Variants in CHEK1 observed in about 807,000 individuals in gnomAD.
CHEK1 encodes the protein checkpoint kinase 1, also known as serine/threonine-protein kinase Chk1.
A neutral mutation model predicts 60.2 loss-of-function variants in CHEK1; 32 were observed. The observed-to-expected ratio is 0.53, with a 90% CI of 0.40 to 0.71. The LOEUF (loss-of-function observed/expected upper bound fraction) is 0.71. Among genes scored for constraint, CHEK1 ranks in the 30% least tolerant of loss-of-function variants. The pLI is 0.00. For synonymous variants in CHEK1, 179 were observed against 187.2 expected, an observed-to-expected ratio of 0.96 and a Z score of 0.36; for missense variants, 399 against 564.6, an observed-to-expected ratio of 0.71 and a Z score of 2.97.
intron 11 of CHEK1, among the ~76,000 whole-genome samples, chr11:125,650,814 T>C (rs1337601432): frequency 2.8e-5 from 4 of 143,844 alleles, no homozygotes; most frequent in Non-Finnish European, 6.1e-5. Context: ...GTTTTAGTGG[T>C]CAGCTAATGA....
chr11:125,640,833 A>G (rs1476179259), intron 8 of CHEK1, among the ~76,000 whole-genome samples: 1 of 152,128 alleles, frequency 6.6e-6, no homozygotes, highest in South Asian at 2.1e-4. Context: ...TCACGCCTGT[A>G]ATCCCAGCTG....
At chr11:125,674,293 A>C (rs560611608) in intron 13 of CHEK1, among the ~76,000 whole-genome samples, 2 of 152,348 alleles carry the variant, frequency 1.3e-5, no homozygotes, top group African/African-American at 4.8e-5. Context: ...ATGCTGGCAA[A>C]TAAATGATTA....
downstream of CHEK1, among the ~76,000 whole-genome samples, chr11:125,679,216 C>CTTTTTTTTTTTTTTTT (rs71045115): frequency 4.6e-3 from 551 of 120,830 alleles, 10 homozygotes; most frequent in African/African-American, 8.2e-3. Context: ...CCGTCTCTTT[C>CTTTTTTTTTTTTTTTT]TTTTTTTTTT....
chr11:125,670,048 T>C (rs1453708447), intron 13 of CHEK1, among the ~76,000 whole-genome samples: 1 of 152,238 alleles, frequency 6.6e-6, no homozygotes, highest in Non-Finnish European at 1.5e-5. Flanking sequence ...TCCTGTGTTC[T>C]TCCGATTTGA....
chr11:125,643,918 T>C lies in CHEK1; in HGVS notation c.923+18T>C, dbSNP rs768080625. 4.8e-5 allele frequency: 76 copies of C among 1,598,816 alleles called. No homozygotes were observed. Among genetic ancestry groups the C allele is most frequent in the Non-Finnish European group, 6.2e-5 (73 of 1,169,692 alleles). ...GCTTCTAGGTAAGACTGATAAAGAT[T>C]GAGTAGTTTTTGATTGTAGTATTCC... On this transcript the variant is annotated intron_variant, in intron 9 of 12. Coordinates refer to ENST00000438015, the MANE Select transcript of CHEK1 (RefSeq NM_001114122.3).
downstream of CHEK1, chr11:125,680,677 T>A: frequency 1.3e-6 from 2 of 1,528,090 alleles, no homozygotes; most frequent in Non-Finnish European, 1.8e-6. Context: ...GCCTGAAATG[T>A]CTTAAGGGAG....
At chr11:125,636,698 TG>T (rs2136001455) in intron 7 of CHEK1, among the ~76,000 whole-genome samples, 1 of 152,016 alleles carries the variant, frequency 6.6e-6, no homozygotes, top group East Asian at 1.9e-4. Flanking sequence ...TCAAGGATAT[TG>T]TTTTTCTTAC....
At position 125,655,794 on chromosome 11, in the gene CHEK1, A is replaced by G. The variant is rs1941886444; in HGVS notation, c.*474A>G. 4.6e-6 allele frequency: 1 copy of G among 215,770 alleles called. No homozygotes were observed. The highest frequency in any genetic ancestry group is 5.8e-5 in the Admixed American group (1 of 17,200). The allele number at this position is 215,770 out of a possible 1,614,324, so 13.4% of individuals were successfully genotyped here. ...TCTGTGAAGCGAAGCCAGCTTCAAA[A>G]CATATCCCCAAGATTTGTACTTATA... is the stretch of plus-strand genomic sequence containing the variant. On this transcript the variant is annotated 3_prime_UTR_variant, in exon 13 of 13. Transcript: ENST00000438015.
At chr11:125,638,846 C>G (rs370862190) in intron 8 of CHEK1, among the ~76,000 whole-genome samples, 3 of 152,166 alleles carry the variant, frequency 2.0e-5, no homozygotes, top group Non-Finnish European at 2.9e-5. Flanking sequence ...GATCATCCTC[C>G]TGATATCCTG....
chr11:125,655,637 T>G lies in CHEK1; in HGVS notation c.*317T>G, dbSNP rs1941882109. 1 of 256,254 alleles carries G rather than the reference T, an allele frequency of 3.9e-6. No individual in the cohort carries two copies. Among genetic ancestry groups the G allele is most frequent in the Admixed American group, 5.4e-5 (1 of 18,630 alleles). 15.9% of individuals were successfully genotyped at this position (256,254 alleles called of 1,614,324 possible). A position where few individuals can be genotyped will look rare whatever the true frequency, so the allele number is the denominator to read the frequency against. ...TCAGGGGACATGAGTTTTCCAGCTT[T>G]TATACACACGTATCTCATTTTTATC... On this transcript the variant is annotated 3_prime_UTR_variant, in exon 13 of 13. Transcript: ENST00000438015.
intron 8 of CHEK1, among the ~76,000 whole-genome samples, chr11:125,640,274 G>A (rs974079009): frequency 6.6e-6 from 1 of 152,174 alleles, no homozygotes; most frequent in African/African-American, 2.4e-5. Context: ...GGGCGCGGTG[G>A]CTCACGCCTG....
At chr11:125,659,792 C>G (rs1223805757), downstream of CHEK1, among the ~76,000 whole-genome samples, 1 of 152,150 alleles carries the variant, frequency 6.6e-6, no homozygotes, top group Non-Finnish European at 1.5e-5. Flanking sequence ...AGTTATGCAA[C>G]CATCACCACT....
downstream of CHEK1, among the ~76,000 whole-genome samples, chr11:125,661,479 T>A (rs150376673): frequency 6.6e-6 from 1 of 152,096 alleles, no homozygotes; most frequent in South Asian, 2.1e-4. Context: ...GTCTGGCTAA[T>A]TTTTGTATTT....
At chr11:125,631,572 G>A (rs1338558648) in intron 5 of CHEK1, among the ~76,000 whole-genome samples, 1 of 151,820 alleles carries the variant, frequency 6.6e-6, no homozygotes, top group African/African-American at 2.4e-5. Flanking sequence ...TTTAACTACT[G>A]AAAAGATAAT....
In CHEK1 at chr11:125,672,335, G is replaced by A. The variant is rs1446698877; in HGVS notation, c.*28-3593G>A. 8 of 427,160 alleles carry A rather than the reference G, an allele frequency of 1.9e-5. No homozygotes were observed. The Admixed American group carries it at 3.1e-4, about 16-fold the overall frequency. 26.5% of individuals were successfully genotyped at this position (427,160 alleles called of 1,614,324 possible). On this transcript the variant is annotated intron_variant, in intron 13 of 13. Transcript: ENST00000428830. ...AAAAAGGTCTGTCTTGAGCCTGTGT[G>A]CTTTAACCATGTGAAATTTATTGAA...
intron 3 of CHEK1, 78 bp downstream of exon 3, chr11:125,627,908 CGTT>C: frequency 8.6e-7 from 1 of 1,158,460 alleles, no homozygotes; most frequent in African/African-American, 1.6e-5. Context: ...GCTATTTGGT[CGTT>C]GTCCTTTCAA....
chr11:125,654,200 G>T (rs1941827396), intron 12 of CHEK1, among the ~76,000 whole-genome samples: 1 of 151,710 alleles, frequency 6.6e-6, no homozygotes. Flanking sequence ...CGTGGTGGCG[G>T]GTGCCTGTAA....
chr11:125,637,581 G>T lies in CHEK1; in HGVS notation c.814+37G>T, dbSNP rs201098237. The T allele has an allele frequency of 2.6e-4, 389 of 1,489,064 alleles. 1 individual carries two copies. The African/African-American group carries it at 5.0e-3, about 19-fold the overall frequency. 92.2% of individuals were successfully genotyped at this position (1,489,064 alleles called of 1,614,324 possible). On this transcript the variant is annotated intron_variant, in intron 8 of 12. Transcript: ENST00000438015. ...AAACTACAAGTTTGTTTGTTTTTCT[G>T]TGGAAGAAAAGGTAATTGCAAAGTT...
At chr11:125,639,060 T>C (rs932668349) in intron 8 of CHEK1, among the ~76,000 whole-genome samples, 5 of 152,186 alleles carry the variant, frequency 3.3e-5, no homozygotes, top group African/African-American at 1.2e-4. Context: ...TCTTTACCTA[T>C]CTTAAATCTT....
Sources: allele counts gnomAD v4.1 joint callset (sites outside exome capture counted in the v4.1 genomes callset), GRCh38; gene constraint gnomAD v4.1.1; transcripts MANE v1.5; gene names NCBI Gene and HGNC (gene_info 2026-07-23, HGNC 2026-07-21).